Variants in CPED1 observed in about 807,000 individuals in gnomAD.
CPED1 encodes cadherin-like and PC-esterase domain-containing protein 1.
CPED1 carries 114 observed loss-of-function variants against 128.2 expected under a neutral mutation model. The observed-to-expected ratio is 0.89, with a 90% CI of 0.76 to 1.04. CPED1 has a LOEUF of 1.04. Among genes scored for constraint, CPED1 ranks in the 50% least tolerant of loss-of-function variants. The probability of loss-of-function intolerance (pLI) is 0.00; values close to 1 mark genes in which losing one functional copy is unlikely to be tolerated. For synonymous variants in CPED1, 462 were observed against 426.7 expected, an observed-to-expected ratio of 1.08 and a Z score of -1.02; for missense variants, 1,211 against 1,207.1, an observed-to-expected ratio of 1.00 and a Z score of -0.05.
intron 14 of CPED1, among the ~76,000 whole-genome samples, chr7:121,139,709 T>C (rs79162867): frequency 0.027 from 4,177 of 152,132 alleles, 88 homozygotes; most frequent in Non-Finnish European, 0.043. Context: ...AATCAACAGA[T>C]TTGATTTTAG....
At chr7:121,242,410 C>G (rs1798418312) in intron 17 of CPED1, among the ~76,000 whole-genome samples, 1 of 152,040 alleles carries the variant, frequency 6.6e-6, no homozygotes, top group African/African-American at 2.4e-5. Context: ...TCAGAATATT[C>G]CTAGCATTTG....
At chr7:121,174,178 T>A (rs1646186246) in intron 16 of CPED1, among the ~76,000 whole-genome samples, 1 of 152,168 alleles carries the variant, frequency 6.6e-6, no homozygotes, top group African/African-American at 2.4e-5. Flanking sequence ...AGGTGTCTGT[T>A]TACTCTGTTG....
intron 18 of CPED1, among the ~76,000 whole-genome samples, chr7:121,252,119 T>A (rs533125267): frequency 7.9e-4 from 120 of 151,290 alleles, no homozygotes; most frequent in African/African-American, 2.9e-3. Flanking sequence ...AACAGAGATA[T>A]AGACCAATGG....
At position 121,061,341 on chromosome 7, in the gene CPED1, TG is replaced by T. The variant is rs1437110521; in HGVS notation, c.541-2896del. ...TCTTTTAAAGATATGAAAGGATTTG[TG>T]CTAAATAAGAAAAATGTCTGTGTAT... On this transcript the variant is annotated intron_variant, in intron 4 of 22. Transcript: ENST00000310396. 3.5e-4 allele frequency: 101 copies of T among 287,690 alleles called. 1 individual carries two copies. The highest frequency in any genetic ancestry group is 3.1e-5 in the Non-Finnish European group (6 of 193,172). The allele number at this position is 287,690 out of a possible 1,614,324, so 17.8% of individuals were successfully genotyped here.
chr7:121,098,419 G>A (rs1251730029), intron 6 of CPED1, among the ~76,000 whole-genome samples: 2 of 151,972 alleles, frequency 1.3e-5, no homozygotes, highest in Non-Finnish European at 2.9e-5. Flanking sequence ...TATGCATCTT[G>A]TGCCAACCTA....
At chr7:121,152,323 C>T (rs1277620674) in intron 16 of CPED1, among the ~76,000 whole-genome samples, 1 of 152,160 alleles carries the variant, frequency 6.6e-6, no homozygotes, top group Admixed American at 6.5e-5. Flanking sequence ...ATGTGGGCTT[C>T]TTGACCTGAC....
At chr7:121,060,789 C>A (rs768601124) in intron 4 of CPED1, among the ~76,000 whole-genome samples, 1 of 152,156 alleles carries the variant, frequency 6.6e-6, no homozygotes, top group Non-Finnish European at 1.5e-5. Context: ...CAACCCGCTC[C>A]GGTCCCTTTT....
At chr7:121,248,744 C>A (rs1473565523) in intron 18 of CPED1, among the ~76,000 whole-genome samples, 1 of 152,120 alleles carries the variant, frequency 6.6e-6, no homozygotes, top group East Asian at 1.9e-4. Flanking sequence ...AAGAAAGAAT[C>A]AGCCTAAGAA....
chr7:121,034,343 G>A (rs1399361107), intron 3 of CPED1, among the ~76,000 whole-genome samples: 1 of 148,144 alleles, frequency 6.8e-6, no homozygotes. Context: ...TGCCTCCCAG[G>A]TTCAAACGAT....
At chr7:121,165,190 G>A (rs1241695357) in intron 16 of CPED1, among the ~76,000 whole-genome samples, 2 of 152,082 alleles carry the variant, frequency 1.3e-5, no homozygotes, top group African/African-American at 2.4e-5. Flanking sequence ...TCAAGCATCA[G>A]ATAAAAGATG....
At chr7:121,044,524 T>G (rs1398188721) in intron 3 of CPED1, among the ~76,000 whole-genome samples, 1 of 151,958 alleles carries the variant, frequency 6.6e-6, no homozygotes, top group Non-Finnish European at 1.5e-5. Flanking sequence ...CTTTGAGGGA[T>G]GAGGTGGTCA....
At chr7:121,236,855 T>C (rs755460890) in intron 17 of CPED1, 24 bp downstream of exon 17, 2 of 1,267,040 alleles carry the variant, frequency 1.6e-6, no homozygotes, top group South Asian at 1.3e-5. Flanking sequence ...TGGATATCAC[T>C]TCTCTAAAAA....
intron 16 of CPED1, among the ~76,000 whole-genome samples, chr7:121,172,646 T>TGGA (rs1563054009): frequency 1.7e-5 from 2 of 119,508 alleles, no homozygotes; most frequent in African/African-American, 2.8e-5. Context: ...GGGTGGGTGG[T>TGGA]TGGATGGATG....
chr7:121,093,121 T>TC (rs1483750910), intron 5 of CPED1, among the ~76,000 whole-genome samples: 2 of 152,120 alleles, frequency 1.3e-5, no homozygotes, highest in Non-Finnish European at 2.9e-5. Flanking sequence ...GATTTCAAGG[T>TC]CCCCTTTTTG....
intron 18 of CPED1, among the ~76,000 whole-genome samples, chr7:121,256,161 A>G (rs1584636262): frequency 6.7e-6 from 1 of 149,850 alleles, no homozygotes; most frequent in Non-Finnish European, 1.5e-5. Context: ...TGCCAAAGAC[A>G]TAACTACCCA....
At chr7:121,074,912 G>A (rs1794084190) in intron 5 of CPED1, among the ~76,000 whole-genome samples, 2 of 152,126 alleles carry the variant, frequency 1.3e-5, no homozygotes, top group South Asian at 4.1e-4. Context: ...TGCTTGTGTA[G>A]CTGCAGTGAT....
chr7:121,004,602 ACTGGG>A (rs1791957251), intron 2 of CPED1, among the ~76,000 whole-genome samples: 1 of 152,158 alleles, frequency 6.6e-6, no homozygotes, highest in Non-Finnish European at 1.5e-5. Context: ...GAGGTCACAA[ACTGGG>A]CAGGATGGAG....
chr7:121,256,124 C>CAAAAA (rs1333114209), intron 18 of CPED1, among the ~76,000 whole-genome samples: 2 of 45,336 alleles, frequency 4.4e-5, no homozygotes, highest in African/African-American at 1.1e-4. Flanking sequence ...AAAAAAAAAA[C>CAAAAA]AAAACAAAAA....
intron 16 of CPED1, among the ~76,000 whole-genome samples, chr7:121,169,104 A>G (rs1796596174): frequency 1.3e-5 from 2 of 152,186 alleles, no homozygotes; most frequent in Admixed American, 6.5e-5. Flanking sequence ...CTGAAATGCT[A>G]TTGATAGGAG....
Sources: allele counts gnomAD v4.1 joint callset (sites outside exome capture counted in the v4.1 genomes callset), GRCh38; gene constraint gnomAD v4.1.1; transcripts MANE v1.5; gene names NCBI Gene and HGNC (gene_info 2026-07-23, HGNC 2026-07-21).